The following GABRG3 variants were observed in gnomAD, a reference collection of about 807,000 sequenced individuals.
GABRG3 encodes gamma-aminobutyric acid type A receptor subunit gamma3, also known as gamma-aminobutyric acid receptor subunit gamma-3.
In GABRG3, 25 loss-of-function variants were observed where a neutral mutation model predicts 48.8. The observed-to-expected ratio is 0.51, with a 90% CI of 0.37 to 0.72. The LOEUF (loss-of-function observed/expected upper bound fraction) is 0.72, where lower values mean the gene tolerates loss of function less well. Ranked by LOEUF, GABRG3 falls within the 30% of genes least tolerant of loss-of-function variation. GABRG3 has a pLI of 0.00. For missense variants in GABRG3, 394 were observed against 577.9 expected, an observed-to-expected ratio of 0.68 and a Z score of 3.26; for synonymous variants, 227 against 217.6, an observed-to-expected ratio of 1.04 and a Z score of -0.38.
chr15:27,495,984 G>T (rs1890477549), intron 6 of GABRG3, among the ~76,000 whole-genome samples: 1 of 152,228 alleles, frequency 6.6e-6, no homozygotes, highest in African/African-American at 2.4e-5. Context: ...GAGGGACATT[G>T]TCTCCTTACT....
At chr15:27,113,460 G>A (rs1383224411) in intron 3 of GABRG3, among the ~76,000 whole-genome samples, 1 of 152,188 alleles carries the variant, frequency 6.6e-6, no homozygotes, top group Non-Finnish European at 1.5e-5. Context: ...GATGGTGAAT[G>A]CAGAAACTGC....
intron 3 of GABRG3, among the ~76,000 whole-genome samples, chr15:27,263,162 G>A (rs1240750318): frequency 6.6e-6 from 1 of 152,126 alleles, no homozygotes; most frequent in Non-Finnish European, 1.5e-5. Context: ...TAAACTTCTC[G>A]GAAAGAAATC....
intron 2 of GABRG3, among the ~76,000 whole-genome samples, chr15:26,996,805 A>G (rs1187977433): frequency 6.6e-6 from 1 of 151,870 alleles, no homozygotes; most frequent in East Asian, 1.9e-4. Flanking sequence ...CCCTGCCACC[A>G]CGCCCAGCTA....
chr15:27,204,560 C>G (rs1230567809), intron 3 of GABRG3, among the ~76,000 whole-genome samples: 2 of 151,696 alleles, frequency 1.3e-5, no homozygotes, highest in Admixed American at 1.3e-4. Flanking sequence ...ATAGTTTTTT[C>G]TAATTCTGTG....
intron 3 of GABRG3, among the ~76,000 whole-genome samples, chr15:27,248,803 C>CACACACACACACACACAGAGAGAGAG: frequency 9.1e-6 from 1 of 110,240 alleles, no homozygotes; most frequent in South Asian, 3.4e-4. Context: ...CACACACACA[C>CACACACACACACACACAGAGAGAGAG]AGAGAGAGAG....
At chr15:27,442,903 A>G (rs772091662) in intron 5 of GABRG3, among the ~76,000 whole-genome samples, 73 of 152,354 alleles carry the variant, frequency 4.8e-4, no homozygotes, top group Non-Finnish European at 7.9e-4. Context: ...CAGCTGCCCA[A>G]TGCCAGAGCC....
At position 27,200,472 on chromosome 15, in the gene GABRG3, C is replaced by T. The variant is rs547363838; in HGVS notation, c.271-126337C>T. 3.0e-4 allele frequency among the ~76,000 whole-genome samples: 46 copies of T among 152,220 alleles called. No individual in the cohort carries two copies. In the South Asian group the frequency reaches 5.4e-3, roughly 18 times the overall value. On this transcript the variant is annotated intron_variant, in intron 3 of 9. Transcript: ENST00000615808. ...AATCAAGAATGCAGGCTGTTCCTTCCGTGTGTTAGGTGCTGCATGCAACCT... is the reference window on the plus strand; with the variant it reads ...AATCAAGAATGCAGGCTGTTCCTTCTGTGTGTTAGGTGCTGCATGCAACCT...
chr15:27,523,100 A>C (rs925494006), intron 7 of GABRG3, among the ~76,000 whole-genome samples: 1 of 151,886 alleles, frequency 6.6e-6, no homozygotes, highest in African/African-American at 2.4e-5. Flanking sequence ...ATTATACTCA[A>C]ATGGTAAAAC....
intron 3 of GABRG3, among the ~76,000 whole-genome samples, chr15:27,087,953 G>A (rs1490867136): frequency 6.7e-6 from 1 of 150,278 alleles, no homozygotes; most frequent in Non-Finnish European, 1.5e-5. Flanking sequence ...GGTGTGTGGT[G>A]TGTGCTGTGG....
intron 3 of GABRG3, among the ~76,000 whole-genome samples, chr15:27,274,789 C>T (rs568059993): frequency 4.5e-4 from 69 of 152,038 alleles, no homozygotes; most frequent in Non-Finnish European, 7.8e-4. Flanking sequence ...CTTTTAATGC[C>T]CAAACAATTA....
chr15:27,065,117 G>A (rs538204506), intron 3 of GABRG3, among the ~76,000 whole-genome samples: 73 of 152,206 alleles, frequency 4.8e-4, no homozygotes, highest in African/African-American at 1.4e-3. Context: ...CTAGTCTCAC[G>A]TTGGCTGCCA....
intron 3 of GABRG3, among the ~76,000 whole-genome samples, chr15:27,258,126 G>T (rs74004758): frequency 0.041 from 6,180 of 152,124 alleles, 352 homozygotes; most frequent in African/African-American, 0.13. Flanking sequence ...ATGGCCTCAC[G>T]AGGGCATTGT....
intron 5 of GABRG3, among the ~76,000 whole-genome samples, chr15:27,348,047 C>T (rs1471652326): frequency 6.6e-6 from 1 of 151,020 alleles, no homozygotes; most frequent in South Asian, 2.1e-4. Flanking sequence ...TATGCCACTT[C>T]AGTCACAGTT....
intron 5 of GABRG3, among the ~76,000 whole-genome samples, chr15:27,445,989 A>C (rs1338378020): frequency 6.6e-6 from 1 of 151,940 alleles, no homozygotes; most frequent in East Asian, 1.9e-4. Context: ...TCTCAATTCT[A>C]TTTTGTTGAT....
chr15:27,398,479 T>G (rs1887381444), intron 5 of GABRG3, among the ~76,000 whole-genome samples: 1 of 152,212 alleles, frequency 6.6e-6, no homozygotes, highest in African/African-American at 2.4e-5. Context: ...GTGTGCAAAT[T>G]GTGAAAAGTC....
At chr15:27,374,185 G>A (rs1456688676) in intron 5 of GABRG3, among the ~76,000 whole-genome samples, 2 of 129,046 alleles carry the variant, frequency 1.5e-5, no homozygotes, top group Non-Finnish European at 3.1e-5. Flanking sequence ...AGACTGGTGT[G>A]CAGTGGCAAG....
intron 3 of GABRG3, among the ~76,000 whole-genome samples, chr15:27,223,909 A>G (rs1889530113): frequency 6.6e-6 from 1 of 152,224 alleles, no homozygotes; most frequent in South Asian, 2.1e-4. Flanking sequence ...TCTTTGAGAT[A>G]AATTTCAGAA....
intron 6 of GABRG3, among the ~76,000 whole-genome samples, chr15:27,506,631 G>A (rs1413608863): frequency 6.6e-6 from 1 of 152,172 alleles, no homozygotes; most frequent in Non-Finnish European, 1.5e-5. Flanking sequence ...TGACCCTAAG[G>A]AGAGAATGCA....
intron 3 of GABRG3, among the ~76,000 whole-genome samples, chr15:27,107,634 T>C (rs563406581): frequency 2.4e-4 from 37 of 152,194 alleles, no homozygotes; most frequent in Non-Finnish European, 4.3e-4. Flanking sequence ...TCCTAATAGA[T>C]GTTTGATAGA....
Sources: allele counts gnomAD v4.1 joint callset (sites outside exome capture counted in the v4.1 genomes callset), GRCh38; gene constraint gnomAD v4.1.1; transcripts MANE v1.5; gene names NCBI Gene and HGNC (gene_info 2026-07-23, HGNC 2026-07-21).